The following HERPUD2 variants were observed in gnomAD, a reference collection of about 807,000 sequenced individuals.
HERPUD2 encodes homocysteine-responsive endoplasmic reticulum-resident ubiquitin-like domain member 2 protein.
A neutral mutation model predicts 49.9 loss-of-function variants in HERPUD2; 13 were observed. The observed-to-expected ratio is 0.26, with a 90% CI of 0.17 to 0.41. The LOEUF (loss-of-function observed/expected upper bound fraction) is 0.41, where lower values mean the gene tolerates loss of function less well. Ranked by LOEUF, HERPUD2 falls within the 10% of genes least tolerant of loss-of-function variation. The probability of loss-of-function intolerance (pLI) is 1.00; values close to 1 mark genes in which losing one functional copy is unlikely to be tolerated. For missense variants in HERPUD2, 449 were observed against 492.2 expected, an observed-to-expected ratio of 0.91 and a Z score of 0.83; for synonymous variants, 172 against 171.4, an observed-to-expected ratio of 1.00 and a Z score of -0.03.
chr7:35,643,988 T>G (rs1298200830), intron 5 of HERPUD2, among the ~76,000 whole-genome samples: 1 of 152,028 alleles, frequency 6.6e-6, no homozygotes, highest in Non-Finnish European at 1.5e-5. Flanking sequence ...TCAGTGATCT[T>G]ACAAAAGCGG....
At chr7:35,682,374 T>C (rs1451244650) in intron 2 of HERPUD2, among the ~76,000 whole-genome samples, 5 of 141,186 alleles carry the variant, frequency 3.5e-5, no homozygotes, top group East Asian at 2.2e-4. Flanking sequence ...TATATATATA[T>C]ATATATATAT....
chr7:35,693,555 CTTTT>C (rs950369084), intron 2 of HERPUD2, among the ~76,000 whole-genome samples: 1 of 144,552 alleles, frequency 6.9e-6, no homozygotes, highest in Non-Finnish European at 1.5e-5. Context: ...AGTGCTTTAT[CTTTT>C]TTTTTTTTAA....
At chr7:35,691,056 C>T (rs1786173373) in intron 2 of HERPUD2, among the ~76,000 whole-genome samples, 1 of 152,168 alleles carries the variant, frequency 6.6e-6, no homozygotes, top group Non-Finnish European at 1.5e-5. Flanking sequence ...TTACATGTCA[C>T]TGGATCTGAG....
chr7:35,646,283 T>A (rs1583542065), intron 5 of HERPUD2, among the ~76,000 whole-genome samples: 1 of 152,156 alleles, frequency 6.6e-6, no homozygotes. Context: ...GATAATGAGC[T>A]GGGCACAGTG....
intron 3 of HERPUD2, among the ~76,000 whole-genome samples, 161 bp from the exon 4 acceptor site, chr7:35,670,489 T>C (rs1404720167): frequency 1.3e-5 from 2 of 151,980 alleles, no homozygotes; most frequent in African/African-American, 4.8e-5. Context: ...TGTCATTTTA[T>C]TTGTGATCCT....
intron 2 of HERPUD2, among the ~76,000 whole-genome samples, chr7:35,686,335 C>T (rs1429043710): frequency 6.6e-6 from 1 of 150,444 alleles, no homozygotes; most frequent in Non-Finnish European, 1.5e-5. Context: ...CTACAGGTGC[C>T]TGCCACCACG....
chr7:35,675,763 T>C (rs756167048), intron 2 of HERPUD2, among the ~76,000 whole-genome samples: 2 of 152,160 alleles, frequency 1.3e-5, no homozygotes, highest in Non-Finnish European at 2.9e-5. Context: ...TTTTAATCTT[T>C]TTTTTAAAAA....
intron 5 of HERPUD2, among the ~76,000 whole-genome samples, chr7:35,650,783 C>A (rs1205875413): frequency 6.6e-6 from 1 of 152,166 alleles, no homozygotes; most frequent in Non-Finnish European, 1.5e-5. Flanking sequence ...TGAAAGCAAC[C>A]CAGCCCTCCC....
At chr7:35,677,634 A>G (rs1785794972) in intron 2 of HERPUD2, among the ~76,000 whole-genome samples, 1 of 152,250 alleles carries the variant, frequency 6.6e-6, no homozygotes, top group African/African-American at 2.4e-5. Context: ...GCTAGAACGG[A>G]AATGGGATCA....
At chr7:35,694,056 A>G in intron 2 of HERPUD2, 128 bp downstream of exon 2, 6 of 910,268 alleles carry the variant, frequency 6.6e-6, no homozygotes, top group Middle Eastern at 6.6e-4. Flanking sequence ...CAGAACTCAA[A>G]ATACCTCGCG....
chr7:35,691,151 T>A (rs1052117556), intron 2 of HERPUD2, among the ~76,000 whole-genome samples: 5 of 152,142 alleles, frequency 3.3e-5, no homozygotes, highest in African/African-American at 1.2e-4. Flanking sequence ...CCTAGTTATA[T>A]AAATAAATGA....
At chr7:35,690,691 C>G (rs552137392) in intron 2 of HERPUD2, among the ~76,000 whole-genome samples, 1 of 152,278 alleles carries the variant, frequency 6.6e-6, no homozygotes, top group East Asian at 1.9e-4. Context: ...TGCCTGTAAT[C>G]CCAGCGACTT....
chr7:35,675,859 C>G (rs778836348), intron 2 of HERPUD2, among the ~76,000 whole-genome samples: 7 of 152,098 alleles, frequency 4.6e-5, no homozygotes, highest in Non-Finnish European at 8.8e-5. Flanking sequence ...ACTGCAGCCC[C>G]GAACTCCTGG....
At chr7:35,689,304 G>C (rs1302417764) in intron 2 of HERPUD2, among the ~76,000 whole-genome samples, 1 of 152,094 alleles carries the variant, frequency 6.6e-6, no homozygotes, top group Non-Finnish European at 1.5e-5. Flanking sequence ...TTCAAAAGAG[G>C]TTTTAAAATC....
In HERPUD2 at chr7:35,671,124, A is replaced by G. The variant is rs1243441952; in HGVS notation, c.226-796T>C. ...AAGAAAGATAACCAAATGGGGAGAA[A>G]GGGAAACAAAGCTACTAGAAACTAT... On this transcript the variant is annotated intron_variant, in intron 3 of 8. Coordinates refer to ENST00000311350, the MANE Select transcript of HERPUD2 (RefSeq NM_022373.5). Among the ~76,000 whole-genome samples, 5 of 152,090 alleles carry G rather than the reference A, an allele frequency of 3.3e-5. No individual in the cohort carries two copies. The East Asian group carries it at 9.6e-4, about 29-fold the overall frequency.
At chr7:35,659,796 C>G (rs1583552216) in intron 5 of HERPUD2, among the ~76,000 whole-genome samples, 1 of 152,058 alleles carries the variant, frequency 6.6e-6, no homozygotes, top group Non-Finnish European at 1.5e-5. Context: ...TTGCTCAGTA[C>G]TTTAACACTC....
At chr7:35,686,477 C>T (rs1162664533) in intron 2 of HERPUD2, among the ~76,000 whole-genome samples, 2 of 67,576 alleles carry the variant, frequency 3.0e-5, no homozygotes, top group East Asian at 9.4e-4. Flanking sequence ...GTCAGCGCAG[C>T]GCCCGGCCTA....
intron 5 of HERPUD2, among the ~76,000 whole-genome samples, chr7:35,643,097 C>T (rs183687004): frequency 2.0e-5 from 3 of 152,306 alleles, no homozygotes; most frequent in Non-Finnish European, 4.4e-5. Context: ...CTCCCACTTC[C>T]AGCCTGCTGT....
chr7:35,689,588 T>A (rs911612658), intron 2 of HERPUD2, among the ~76,000 whole-genome samples: 1 of 152,150 alleles, frequency 6.6e-6, no homozygotes, highest in Non-Finnish European at 1.5e-5. Context: ...GGTTATGGAG[T>A]GTTATAATCT....
Sources: allele counts gnomAD v4.1 joint callset (sites outside exome capture counted in the v4.1 genomes callset), GRCh38; gene constraint gnomAD v4.1.1; transcripts MANE v1.5; gene names NCBI Gene and HGNC (gene_info 2026-07-23, HGNC 2026-07-21).